OGDHL: variants seen among roughly 807,000 people sequenced by gnomAD.
The protein encoded by OGDHL is oxoglutarate dehydrogenase L, also known as 2-oxoglutarate dehydrogenase-like, mitochondrial.
OGDHL carries 79 observed loss-of-function variants against 109.6 expected under a neutral mutation model. The ratio of observed to expected loss-of-function variants is 0.72; its 90% CI spans 0.60 to 0.87. The LOEUF (loss-of-function observed/expected upper bound fraction) is 0.87. Ranked by LOEUF, OGDHL falls within the 40% of genes least tolerant of loss-of-function variation. The pLI is 0.00. For missense variants in OGDHL, 1,275 were observed against 1,362.2 expected (o/e 0.94, Z 1.01); for synonymous variants, 528 against 537.2 (o/e 0.98, Z 0.24).
chr10:49,741,721 C>A (rs1841675249), intron 15 of OGDHL, among the ~76,000 whole-genome samples: 1 of 149,672 alleles, frequency 6.7e-6, no homozygotes, highest in Non-Finnish European at 1.5e-5. Flanking sequence ...CATACATACA[C>A]ACACACCACA....
At position 49,744,118 on chromosome 10, in the gene OGDHL, G is replaced by T. The variant is rs1289033971; in HGVS notation, c.1737C>A (p.Phe579Leu). 1 of 1,613,736 alleles carries T rather than the reference G, an allele frequency of 6.2e-7. No homozygotes were observed. The change falls in exon 14 of 23, where the codon TTC becomes TTA. Residue 579 changes from phenylalanine (F) to leucine (L), a missense_variant. Coordinates refer to ENST00000374103, the MANE Select transcript of OGDHL (RefSeq NM_018245.3). ...KHWLDSPWPG[F>L]FNVDGEPKSM... is the part of the protein sequence containing the mutation. The stretch of plus-strand genomic sequence containing the variant: ...TCTTGGGCTCCCCATCTACGTTGAA[G>T]AAGCCTGAGAGGGAGAGAGGCTCTG...
At position 49,737,946 on chromosome 10, in the gene OGDHL, C is replaced by A; in HGVS notation, c.2517+1G>T. 1 of 1,614,158 alleles carries A rather than the reference C, an allele frequency of 6.2e-7. No homozygotes were observed. The highest frequency in any genetic ancestry group is 8.5e-7 in the Non-Finnish European group (1 of 1,180,024). ...ACCCCTGCCCTGGGACGGAGACTCA[C>A]CGGCTTGCGGAAGGGCAGCAGGATC... On this transcript the variant is annotated splice_donor_variant, in intron 19 of 22. Transcript: ENST00000374103. LOFTEE classifies it high-confidence loss of function.
chr10:49,738,243 G>T lies in OGDHL; in HGVS notation c.2339C>A (p.Ala780Glu). Residue 780 changes from alanine to glutamate, a missense_variant, in exon 18 of 23, where the codon GCG (alanine) becomes GAG (glutamate). By Grantham distance (107) the Ala-to-Glu change is moderately radical. Coordinates refer to ENST00000374103, the MANE Select transcript of OGDHL (RefSeq NM_018245.3). ...MEGMGPEHSSARPERFLQMSN... is the reference protein window; with the variant it reads ...MEGMGPEHSSERPERFLQMSN... ...CATCTGCAGGAACCTTTCGGGCCTC[G>T]CTGACGAGTGCTCTGGGCCCTGAAA... 1 of 1,613,228 alleles carries T rather than the reference G, an allele frequency of 6.2e-7. No individual in the cohort carries two copies. The highest frequency in any genetic ancestry group is 8.5e-7 in the Non-Finnish European group (1 of 1,180,020).
intron 15 of OGDHL, among the ~76,000 whole-genome samples, chr10:49,741,979 ACAC>A (rs1841714582): frequency 7.0e-6 from 1 of 141,884 alleles, no homozygotes; most frequent in African/African-American, 2.6e-5. Context: ...CACTACACAC[ACAC>A]AACCACACAC....
In OGDHL at chr10:49,736,431, C is replaced by T; in HGVS notation, c.2680G>A (p.Val894Met). 6.2e-7 allele frequency: 1 copy of T among 1,614,142 alleles called. No homozygotes were observed. Among genetic ancestry groups the T allele is most frequent in the South Asian group, 1.1e-5 (1 of 91,088 alleles). The change falls in exon 21 of 23, where the codon GTG becomes ATG. Residue 894 changes from valine (V) to methionine (M), a missense_variant. Val to Met is a conservative substitution (Grantham distance 21). Coordinates refer to ENST00000374103, the MANE Select transcript of OGDHL (RefSeq NM_018245.3). ...VQRLIFCTGKVYYDLVKERSS... is the reference protein window; with the variant it reads ...VQRLIFCTGKMYYDLVKERSS... ...CGCTCCTTCACCAGGTCATAGTACA[C>T]CTTTCCCGTGCAGAAGATGAGCCGC...
At position 49,736,057 on chromosome 10, in the gene OGDHL, A is replaced by G; in HGVS notation, c.2875T>C (p.Phe959Leu). The G allele has an allele frequency of 6.2e-7, 1 of 1,605,862 alleles. No homozygotes were observed. Among genetic ancestry groups the G allele is most frequent in the Non-Finnish European group, 8.5e-7 (1 of 1,176,024 alleles). ...CGTGCGCGCCTCAGGATGGTCATGA[A>G]GCGTGGGCTGATGTAGTCATAGTAG... ...MGYYDYISPR[F>L]MTILRRARPI... The change falls in exon 22 of 23, where the codon TTC becomes CTC. Residue 959 changes from phenylalanine to leucine, a missense_variant. Transcript: ENST00000374103.
Position 49,737,959 on chromosome 10 carries a change from G to A in OGDHL, c.2505C>T (p.Pro835=). 1 of 1,614,152 alleles carries A rather than the reference G, an allele frequency of 6.2e-7. No homozygotes were observed. The highest frequency in any genetic ancestry group is 8.5e-7 in the Non-Finnish European group (1 of 1,180,032). The change falls in exon 19 of 23, where the codon CCC becomes CCT. Residue 835 remains proline (P), a synonymous_variant. Transcript: ENST00000374103. ...GACGGAGACTCACCGGCTTGCGGAA[G>A]GGCAGCAGGATCTGCCGGCGCAGCA... ...FHVLRRQILL[P]FRKPLIIFTP... is the part of the protein sequence containing the mutation.
intron 3 of OGDHL, among the ~76,000 whole-genome samples, chr10:49,754,890 A>C (rs1842825305): frequency 6.6e-6 from 1 of 152,250 alleles, no homozygotes; most frequent in African/African-American, 2.4e-5. Flanking sequence ...GAGACGTAAG[A>C]GCCACTTTAG....
intron 8 of OGDHL, among the ~76,000 whole-genome samples, chr10:49,749,468 G>A (rs1258179): frequency 0.38 from 58,445 of 152,032 alleles, 14,206 homozygotes; most frequent in East Asian, 0.89. Context: ...GCATCTTTGG[G>A]CTTCAGTTTC....
chr10:49,752,359 C>T, intron 4 of OGDHL, 111 bp from the exon 5 acceptor site: 1 of 827,108 alleles, frequency 1.2e-6, no homozygotes, highest in East Asian at 2.6e-5. Flanking sequence ...CAGTGCCCTC[C>T]CTCTGGGTCC....
intron 10 of OGDHL, among the ~76,000 whole-genome samples, chr10:49,746,219 T>C (rs1276860561): frequency 6.6e-6 from 1 of 152,122 alleles, no homozygotes; most frequent in Non-Finnish European, 1.5e-5. Flanking sequence ...TTTGACACAC[T>C]GGTAGTGAGG....
chr10:49,748,126 C>T lies in OGDHL; in HGVS notation c.988-918G>A, dbSNP rs570792277. ...TCAGTCCCACCCCCGTAGCTCCAGC[C>T]GCTGCACTGCTCGGACACCATCTAA... On this transcript the variant is annotated intron_variant, in intron 8 of 22. Transcript: ENST00000374103. 1.2e-4 allele frequency among the ~76,000 whole-genome samples: 18 copies of T among 152,296 alleles called. 1 individual carries two copies. Among genetic ancestry groups the T allele is most frequent in the South Asian group, 6.2e-4 (3 of 4,826 alleles).
rs202098621 is a variant in OGDHL, at chr10:49,735,324, T to C, written c.2937A>G (p.Ala979=). 2.1e-5 allele frequency: 33 copies of C among 1,604,810 alleles called. No homozygotes were observed. The highest frequency in any genetic ancestry group is 2.6e-5 in the Non-Finnish European group (31 of 1,176,918). The part of the protein sequence containing the change: ...IWYVGRDPAA[A]PATGNRNTHL... ...GAGTGTTCCTGTTTCCTGTGGCTGG[T>C]GCAGCCGCTGGGTCCCGGCCAACAT... The change falls in exon 23 of 23, where the codon GCA becomes GCG. Residue 979 remains alanine (A), a synonymous_variant. Transcript: ENST00000374103.
At position 49,750,826 on chromosome 10, in the gene OGDHL, G is replaced by A; in HGVS notation, c.896+13C>T. 1 of 1,604,098 alleles carries A rather than the reference G, an allele frequency of 6.2e-7. No homozygotes were observed. Among genetic ancestry groups the A allele is most frequent in the Non-Finnish European group, 8.5e-7 (1 of 1,174,424 alleles). On this transcript the variant is annotated intron_variant, in intron 7 of 22. Coordinates refer to ENST00000374103, the MANE Select transcript of OGDHL (RefSeq NM_018245.3). ...AGGAGAATGCGCAAGGCACAGCAGGGAGGGGGACCCACCTGTGTGGCATCC... is the reference window on the plus strand; with the variant it reads ...AGGAGAATGCGCAAGGCACAGCAGGAAGGGGGACCCACCTGTGTGGCATCC...
rs1333302531 is a variant in OGDHL, at chr10:49,758,563, A to G, written c.30T>C (p.Arg10=). Residue 10 remains arginine (R), a synonymous_variant, in exon 2 of 23, where the codon CGT becomes CGC. Coordinates refer to ENST00000374103, the MANE Select transcript of OGDHL (RefSeq NM_018245.3). MSQLRLLPS[R]LGVQAARLLA... is the part of the protein sequence containing the mutation. ...GGAGCCTCGCAGCCTGTACCCCAAG[A>G]CGGGACGGCAGCAGCCTCAGCTGAC... 3 of 1,613,894 alleles carry G rather than the reference A, an allele frequency of 1.9e-6. No homozygotes were observed. The highest frequency in any genetic ancestry group is 3.3e-5 in the Admixed American group (2 of 60,020).
At chr10:49,755,731 G>T (rs1842877850) in intron 3 of OGDHL, among the ~76,000 whole-genome samples, 1 of 152,170 alleles carries the variant, frequency 6.6e-6, no homozygotes, top group African/African-American at 2.4e-5. Flanking sequence ...CCTCGTCTTG[G>T]TTAATCAAAG....
intron 2 of OGDHL, among the ~76,000 whole-genome samples, chr10:49,757,541 G>A (rs1411676901): frequency 6.6e-6 from 1 of 152,156 alleles, no homozygotes; most frequent in Non-Finnish European, 1.5e-5. Flanking sequence ...CTCTGCAGGT[G>A]CAAGATGATG....
rs768034007 is a variant in OGDHL, at chr10:49,752,128, C to T, written c.594+5G>A. The T allele has an allele frequency of 2.5e-6, 4 of 1,612,344 alleles. No individual in the cohort carries two copies. In the East Asian group the frequency reaches 8.9e-5, roughly 36 times the overall value. On this transcript the variant is annotated splice_donor_5th_base_variant and intron_variant, in intron 5 of 22. Coordinates refer to ENST00000374103, the MANE Select transcript of OGDHL (RefSeq NM_018245.3). Reference sequence around the variant, plus strand: ...GCTGCACCCCACACACCCGCCTGTGCTCACCTCCAGGCGCCGAATGATCTC... The same window carrying T: ...GCTGCACCCCACACACCCGCCTGTGTTCACCTCCAGGCGCCGAATGATCTC...
At chr10:49,744,879 T>C (rs1335620246) in intron 12 of OGDHL, 127 bp from the exon 13 acceptor site, 2 of 747,410 alleles carry the variant, frequency 2.7e-6, no homozygotes, top group African/African-American at 1.7e-5. Context: ...CTCTGGCCTA[T>C]AGGGACCTCA....
Sources: allele counts gnomAD v4.1 joint callset (sites outside exome capture counted in the v4.1 genomes callset), GRCh38; gene constraint gnomAD v4.1.1; transcripts MANE v1.5; gene names NCBI Gene and HGNC (gene_info 2026-07-23, HGNC 2026-07-21).